Variants in FOXK1 observed in about 807,000 individuals in gnomAD.
The protein encoded by FOXK1 is forkhead box protein K1.
FOXK1 carries 19 observed loss-of-function variants against 51.9 expected under a neutral mutation model. The ratio of observed to expected loss-of-function variants is 0.37; its 90% confidence interval spans 0.26 to 0.54. FOXK1 has a LOEUF of 0.54. Ranked by LOEUF, FOXK1 falls within the 20% of genes least tolerant of loss-of-function variation. The probability of loss-of-function intolerance (pLI) is 0.87; values close to 1 mark genes in which losing one functional copy is unlikely to be tolerated. For missense variants in FOXK1, 870 were observed against 1,032.7 expected (o/e 0.84, Z 2.16); for synonymous variants, 537 against 482.6 (o/e 1.11, Z -1.48).
At chr7:4,757,366 G>T (rs1212103743) in intron 5 of FOXK1, among the ~76,000 whole-genome samples, 179 bp downstream of exon 5, 1 of 152,006 alleles carries the variant, frequency 6.6e-6, no homozygotes, top group Admixed American at 6.6e-5. Flanking sequence ...GGTGGCTCAC[G>T]CCTGTAATCC....
intron 2 of FOXK1, among the ~76,000 whole-genome samples, chr7:4,742,039 A>C (rs527455062): frequency 3.3e-5 from 5 of 152,370 alleles, no homozygotes; most frequent in African/African-American, 1.2e-4. Flanking sequence ...TTCTCTCCCA[A>C]CCGCACGTCT....
chr7:4,754,775 C>T (rs2115071283), intron 3 of FOXK1, 160 bp downstream of exon 3: 1 of 957,592 alleles, frequency 1.0e-6, no homozygotes, highest in Admixed American at 2.9e-5. Context: ...AGCCGTCGGC[C>T]CTTTCTCGTT....
In FOXK1 at chr7:4,730,148, A is replaced by T. The variant is rs1461491157; in HGVS notation, c.561-10690A>T. On this transcript the variant is annotated intron_variant, in intron 1 of 8. Transcript: ENST00000328914. The surrounding 1 kb of genome is among the most constrained non-coding windows in gnomAD (Gnocchi z 4.7). The stretch of plus-strand genomic sequence containing the variant: ...AGGACATGCTTATTTGCCTGATTAC[A>T]AAAATAGATGCATTCTCCCTATTTA... 2.0e-5 allele frequency among the ~76,000 whole-genome samples: 3 copies of T among 152,236 alleles called. No individual in the cohort carries two copies. The highest frequency in any genetic ancestry group is 2.0e-4 in the Admixed American group (3 of 15,292).
intron 1 of FOXK1, among the ~76,000 whole-genome samples, chr7:4,728,292 C>T (rs1433874519): frequency 6.6e-6 from 1 of 152,204 alleles, no homozygotes; most frequent in East Asian, 1.9e-4. Context: ...TCAGAAAAGT[C>T]TAATCATTTC....
rs1491224367 is a variant in FOXK1 at position 4,731,758 on chromosome 7, C to CAG, written c.561-9079_561-9078insGA. 2.4e-3 allele frequency among the ~76,000 whole-genome samples: 168 copies of CAG among 68,672 alleles called. No individual in the cohort carries two copies. Among genetic ancestry groups the CAG allele is most frequent in the Non-Finnish European group, 4.9e-3 (145 of 29,822 alleles). 45.1% of individuals were successfully genotyped at this position (68,672 alleles called of 152,430 possible). A position where few individuals can be genotyped will look rare whatever the true frequency, so the allele number is the denominator to read the frequency against. Reference sequence around the variant, plus strand: ...TGGGCAACAAAGCGAAACTCTGCCTCAAAAAAAAAAAAAAAAAAAGAAAAC... The same window carrying CAG: ...TGGGCAACAAAGCGAAACTCTGCCTCAGAAAAAAAAAAAAAAAAAAAGAAAAC... On this transcript the variant is annotated intron_variant, in intron 1 of 8. Coordinates refer to ENST00000328914, the MANE Select transcript of FOXK1 (RefSeq NM_001037165.2). This position sits in a 1 kb window ranked among gnomAD's most constrained non-coding sequence, Gnocchi z 5.3.
In FOXK1 at chr7:4,740,887, C is replaced by T. The variant is rs764667290; in HGVS notation, c.610C>T (p.Leu204Phe). 1.3e-6 allele frequency: 2 copies of T among 1,595,266 alleles called. No individual in the cohort carries two copies. The highest frequency in any genetic ancestry group is 2.3e-5 in the South Asian group (2 of 88,072). The change falls in exon 2 of 9, where the codon CTC becomes TTC. Residue 204 changes from leucine to phenylalanine, a missense_variant. By Grantham distance (22) the Leu-to-Phe change is conservative (BLOSUM62 0). Coordinates refer to ENST00000328914, the MANE Select transcript of FOXK1 (RefSeq NM_001037165.2). ...GGCCATCAAGATCCAGTTCACGTCG[C>T]TCTATCACAAAGAAGAGGCCCCAGC... Reference protein sequence around the residue: ...STAIKIQFTSLYHKEEAPASP... With the variant: ...STAIKIQFTSFYHKEEAPASP...
intron 1 of FOXK1, among the ~76,000 whole-genome samples, chr7:4,705,517 TTCTCTC>T (rs56842360): frequency 0.025 from 2,828 of 111,542 alleles, 21 homozygotes; most frequent in Middle Eastern, 0.032. Flanking sequence ...TTCCTTCTCT[TTCTCTC>T]TCTCTCTCTC....
intron 1 of FOXK1, among the ~76,000 whole-genome samples, chr7:4,698,148 G>A (rs1779976628): frequency 6.6e-6 from 1 of 151,936 alleles, no homozygotes; most frequent in Admixed American, 6.6e-5. Flanking sequence ...AAAATTTTAC[G>A]TTTTGAAAAA....
At chr7:4,699,570 G>A (rs1232650443) in intron 1 of FOXK1, among the ~76,000 whole-genome samples, 1 of 151,950 alleles carries the variant, frequency 6.6e-6, no homozygotes, top group Non-Finnish European at 1.5e-5. Context: ...GTTTCACCAT[G>A]TTGGCCAGGC....
chr7:4,688,011 C>T (rs891395983), intron 1 of FOXK1, among the ~76,000 whole-genome samples: 4 of 152,192 alleles, frequency 2.6e-5, no homozygotes, highest in Non-Finnish European at 5.9e-5. Context: ...GGATTACAGG[C>T]ATGAGCCACC....
chr7:4,761,158 C>A lies in FOXK1; in HGVS notation c.1791C>A (p.Pro597=). ...CCAGCCAGATGGCCCCCGGGGTCCC[C>A]GGACACACGGTCACCATCCTGCAGC... ...TVASQMAPGV[P]GHTVTILQPA... is the part of the protein sequence containing the mutation. Residue 597 remains proline (P), a synonymous_variant, in exon 8 of 9, where the codon CCC becomes CCA. Transcript: ENST00000328914. The surrounding 1 kb of genome is among the most constrained non-coding windows in gnomAD (Gnocchi z 6.2). The A allele has an allele frequency of 6.2e-7, 1 of 1,612,670 alleles. No homozygotes were observed.
rs1780520191 is a variant in FOXK1, at chr7:4,734,120, C to T, written c.561-6718C>T. 6.6e-6 allele frequency among the ~76,000 whole-genome samples: 1 copy of T among 152,188 alleles called. No individual in the cohort carries two copies. Among genetic ancestry groups the T allele is most frequent in the Non-Finnish European group, 1.5e-5 (1 of 68,028 alleles). ...GTTTTAACCTTAGTAACCGTGCCGC[C>T]CAGCTCCTAGAAGACACGCGACTCC... On this transcript the variant is annotated intron_variant, in intron 1 of 8. Coordinates refer to ENST00000328914, the MANE Select transcript of FOXK1 (RefSeq NM_001037165.2). This position sits in a 1 kb window ranked among gnomAD's most constrained non-coding sequence, Gnocchi z 5.2.
At chr7:4,740,530 G>A (rs1406472481) in intron 1 of FOXK1, among the ~76,000 whole-genome samples, 1 of 152,094 alleles carries the variant, frequency 6.6e-6, no homozygotes, top group Non-Finnish European at 1.5e-5. Context: ...AGAATTGCTT[G>A]AACCCAGGAG....
intron 1 of FOXK1, among the ~76,000 whole-genome samples, chr7:4,694,195 T>C (rs1195599303): frequency 6.6e-6 from 1 of 152,222 alleles, no homozygotes; most frequent in African/African-American, 2.4e-5. Context: ...CAGAATGTGT[T>C]TGTATGGAGA....
At chr7:4,704,886 C>G (rs577039795) in intron 1 of FOXK1, among the ~76,000 whole-genome samples, 7 of 146,930 alleles carry the variant, frequency 4.8e-5, no homozygotes, top group African/African-American at 1.8e-4. Flanking sequence ...GGCTGGAGTG[C>G]AGTGGCATGA....
In FOXK1 at chr7:4,753,167, C is replaced by G. The variant is rs764149769; in HGVS notation, c.747-1292C>G. On this transcript the variant is annotated intron_variant, in intron 2 of 8. Transcript: ENST00000328914. The surrounding 1 kb of genome is among the most constrained non-coding windows in gnomAD (Gnocchi z 4.9). Reference sequence around the variant, plus strand: ...CACTGAGTCCTTCCTGAAAATGCCCCAGACCTGAACTGATCATTAATGTCA... The same window carrying G: ...CACTGAGTCCTTCCTGAAAATGCCCGAGACCTGAACTGATCATTAATGTCA... 1.6e-4 allele frequency among the ~76,000 whole-genome samples: 25 copies of G among 152,186 alleles called. 1 individual carries two copies. The highest frequency in any genetic ancestry group is 5.9e-5 in the Non-Finnish European group (4 of 68,034).
intron 1 of FOXK1, among the ~76,000 whole-genome samples, chr7:4,721,604 T>G (rs552227433): frequency 1.0e-3 from 152 of 147,456 alleles, no homozygotes; most frequent in Middle Eastern, 3.4e-3. Flanking sequence ...TTTTTTTTTT[T>G]TTTTGAGTCA....
intron 1 of FOXK1, among the ~76,000 whole-genome samples, chr7:4,716,653 C>G (rs559267281): frequency 6.6e-6 from 1 of 152,208 alleles, no homozygotes; most frequent in African/African-American, 2.4e-5. Context: ...TCTCAAGACC[C>G]AGTGCTGCTC....
rs1410547735 is a variant in FOXK1, at chr7:4,753,506, GA to G, written c.747-952del. 6.6e-6 allele frequency among the ~76,000 whole-genome samples: 1 copy of G among 152,166 alleles called. No individual in the cohort carries two copies. Among genetic ancestry groups the G allele is most frequent in the Non-Finnish European group, 1.5e-5 (1 of 68,028 alleles). On this transcript the variant is annotated intron_variant, in intron 2 of 8. Transcript: ENST00000328914. This position sits in a 1 kb window ranked among gnomAD's most constrained non-coding sequence, Gnocchi z 4.9. ...GCCACGGGGGCTCTAAGTCAGCTGA[GA>G]GGGGGGATGTCAGCATCACAGGTGG...
Sources: allele counts gnomAD v4.1 joint callset (sites outside exome capture counted in the v4.1 genomes callset), GRCh38; gene constraint gnomAD v4.1.1; non-coding constraint Gnocchi (gnomAD v3.1); transcripts MANE v1.5; gene names NCBI Gene and HGNC (gene_info 2026-07-23, HGNC 2026-07-21).